Variants in ZNF548 observed in about 807,000 individuals in gnomAD.
ZNF548 encodes zinc finger protein 548.
In ZNF548, 10 loss-of-function variants were observed where a neutral mutation model predicts 10.2. The observed-to-expected ratio is 0.98, with a 90% confidence interval of 0.60 to 1.66. The LOEUF (loss-of-function observed/expected upper bound fraction) is 1.66, where lower values mean the gene tolerates loss of function less well. Among genes scored for constraint, ZNF548 ranks in the 40% most tolerant of loss-of-function variants. The pLI, the probability that ZNF548 is intolerant of heterozygous loss-of-function variation, is 0.00. For synonymous variants in ZNF548, 217 were observed against 223.5 expected (o/e 0.97, Z 0.26); for missense variants, 599 against 657.0 (o/e 0.91, Z 0.97).
chr19:57,393,847 A>T (rs527604196), intron 1 of ZNF548, among the ~76,000 whole-genome samples: 1 of 152,176 alleles, frequency 6.6e-6, no homozygotes, highest in African/African-American at 2.4e-5. Flanking sequence ...GAAAATTTCA[A>T]AACCCCACTC....
Position 57,399,991 on chromosome 19 carries a change from TAAC to T in ZNF548, c.*109_*111del, listed in dbSNP as rs1202710737. Reference sequence around the variant, plus strand: ...CCAAGAAGTAAAATGCTGTACCCATTAACAACAACTCATTCCCCTTCCCTACTT... The same window carrying T: ...CCAAGAAGTAAAATGCTGTACCCATTAACAACTCATTCCCCTTCCCTACTT... On this transcript the variant is annotated 3_prime_UTR_variant, in exon 4 of 4. Coordinates refer to ENST00000336128, the MANE Select transcript of ZNF548 (RefSeq NM_001172773.2). The surrounding 1 kb of genome is among the most constrained non-coding windows in gnomAD (Gnocchi z 4.0). 2 of 895,022 alleles carry T rather than the reference TAAC, an allele frequency of 2.2e-6. No homozygotes were observed. Among genetic ancestry groups the T allele is most frequent in the Non-Finnish European group, 3.3e-6 (2 of 606,912 alleles). 55.4% of individuals were successfully genotyped at this position (895,022 alleles called of 1,614,324 possible).
At chr19:57,392,694 T>C in intron 1 of ZNF548, 2 of 761,322 alleles carry the variant, frequency 2.6e-6, no homozygotes, top group Non-Finnish European at 3.2e-6. Flanking sequence ...ACACCTTATG[T>C]GTCTATTTCT....
Position 57,395,374 on chromosome 19 carries a change from G to A in ZNF548, c.51+1151G>A, listed in dbSNP as rs935648304. Among the ~76,000 whole-genome samples, 5 of 152,088 alleles carry A rather than the reference G, an allele frequency of 3.3e-5. No homozygotes were observed. The highest frequency in any genetic ancestry group is 2.0e-4 in the Admixed American group (3 of 15,268). On this transcript the variant is annotated intron_variant, in intron 2 of 3. Transcript: ENST00000336128. The surrounding 1 kb of genome is among the most constrained non-coding windows in gnomAD (Gnocchi z 4.8). ...CAGTTGGGAGGAGGTGAGGATGGGA[G>A]TTGTATTAATCCGTTTCCATACTGC...
Position 57,399,892 on chromosome 19 carries a change from A to G in ZNF548, c.*3A>G, listed in dbSNP as rs372739751. 26 of 1,574,666 alleles carry G rather than the reference A, an allele frequency of 1.7e-5. No homozygotes were observed. The highest frequency in any genetic ancestry group is 1.6e-4 in the South Asian group (14 of 87,528). ...CAATGGAGAAAGTTTACCATTGACT[A>G]TTGTAATTGGGTAGTAATGTTATAT... On this transcript the variant is annotated 3_prime_UTR_variant, in exon 4 of 4. Transcript: ENST00000336128. The surrounding 1 kb of genome is among the most constrained non-coding windows in gnomAD (Gnocchi z 4.0).
At position 57,392,495 on chromosome 19, in the gene ZNF548, T is replaced by C. The variant is rs2088633984; in HGVS notation, c.16-1693T>C. The stretch of plus-strand genomic sequence containing the variant: ...GAGAAATTGGTCCAGATTCATTCTT[T>C]TTCATATGGCAATCCAGTTTTCCCA... On this transcript the variant is annotated intron_variant, in intron 1 of 3. Transcript: ENST00000336128. Among the ~76,000 whole-genome samples the C allele has an allele frequency of 3.3e-5, 5 of 152,238 alleles. No homozygotes were observed. In the South Asian group the frequency reaches 1.0e-3, roughly 32 times the overall value.
At chr19:57,393,936 T>C (rs2088646740) in intron 1 of ZNF548, 8 of 585,600 alleles carry the variant, frequency 1.4e-5, no homozygotes, top group Non-Finnish European at 6.0e-6. Flanking sequence ...ATGCTACTGA[T>C]GTTTGATACT....
intron 2 of ZNF548, among the ~76,000 whole-genome samples, chr19:57,394,632 A>T (rs2088652546): frequency 6.6e-6 from 1 of 152,156 alleles, no homozygotes; most frequent in Admixed American, 6.5e-5. Flanking sequence ...GAAGATTTGA[A>T]GCAAAATAGG....
intron 3 of ZNF548, among the ~76,000 whole-genome samples, chr19:57,398,168 CAG>C (rs996705661): frequency 6.6e-6 from 1 of 152,202 alleles, no homozygotes; most frequent in Non-Finnish European, 1.5e-5. Context: ...TGGCTGTTTT[CAG>C]AGGAGTGAGT....
Position 57,399,306 on chromosome 19 carries a change from A to G in ZNF548, c.1055A>G (p.Asn352Ser), listed in dbSNP as rs201989885. 61 of 1,613,568 alleles carry G rather than the reference A, an allele frequency of 3.8e-5. No individual in the cohort carries two copies. The African/African-American group carries it at 6.5e-4, about 17-fold the overall frequency. ...VHTGERPYKC[N>S]DCGKFFRYIS... The stretch of plus-strand genomic sequence containing the variant: ...ACCGGAGAAAGACCTTATAAGTGCA[A>G]TGATTGTGGGAAATTTTTTAGGTAT... The change falls in exon 4 of 4, where the codon AAT (asparagine) becomes AGT (serine). Residue 352 changes from asparagine (N) to serine (S), a missense_variant. Physicochemically the swap from Asn to Ser is conservative, Grantham distance 46. Transcript: ENST00000336128. This position sits in a 1 kb window ranked among gnomAD's most constrained non-coding sequence, Gnocchi z 4.0.
In ZNF548 at chr19:57,399,159, G is replaced by A. The variant is rs202091268; in HGVS notation, c.908G>A (p.Arg303Gln). The change falls in exon 4 of 4, where the codon CGG (arginine) becomes CAG (glutamine). Residue 303 changes from arginine to glutamine, a missense_variant. Coordinates refer to ENST00000336128, the MANE Select transcript of ZNF548 (RefSeq NM_001172773.2). The surrounding 1 kb of genome is among the most constrained non-coding windows in gnomAD (Gnocchi z 4.0). ...YECNTCGKFFRYSSTFVRHQR... is the reference protein window; with the variant it reads ...YECNTCGKFFQYSSTFVRHQR... ...TGCAACACATGTGGGAAATTCTTTC[G>A]GTACAGCTCCACATTTGTTAGACAT... is the stretch of plus-strand genomic sequence containing the variant. 36 of 1,613,986 alleles carry A rather than the reference G, an allele frequency of 2.2e-5. No individual in the cohort carries two copies. The highest frequency in any genetic ancestry group is 4.5e-5 in the East Asian group (2 of 44,872).
chr19:57,392,957 A>G, intron 1 of ZNF548: 9 of 985,704 alleles, frequency 9.1e-6, no homozygotes, highest in Non-Finnish European at 1.1e-5. Flanking sequence ...GGGTAAGCAT[A>G]TGGCCTGGGA....
rs1013561131 is a variant in ZNF548, at chr19:57,401,226, C to CTG, written c.*1340_*1341dup. The stretch of plus-strand genomic sequence containing the variant: ...TTGATGTACTGTTGACTCTTTCTGT[C>CTG]TGTGGGTTCTGTATTCATGGATCGA... On this transcript the variant is annotated 3_prime_UTR_variant, in exon 4 of 4. Transcript: ENST00000336128. 3.9e-5 allele frequency: 6 copies of CTG among 152,216 alleles called. No individual in the cohort carries two copies. Among genetic ancestry groups the CTG allele is most frequent in the African/African-American group, 1.2e-4 (5 of 41,524 alleles). The allele number at this position is 152,216 out of a possible 1,614,324, so 9.4% of individuals were successfully genotyped here.
Position 57,389,960 on chromosome 19 carries a change from A to C in ZNF548, c.-140A>C. ...CGTCACCGAAGTGACGGAACGGAAA[A>C]GCGCGAGAAGCGGCTCGGTTCCCAC... On this transcript the variant is annotated 5_prime_UTR_variant, in exon 1 of 4. Transcript: ENST00000336128. The C allele has an allele frequency of 9.0e-7, 1 of 1,105,258 alleles. No individual in the cohort carries two copies. 68.5% of individuals were successfully genotyped at this position (1,105,258 alleles called of 1,614,324 possible). A position where few individuals can be genotyped will look rare whatever the true frequency, so the allele number is the denominator to read the frequency against.
At position 57,395,265 on chromosome 19, in the gene ZNF548, G is replaced by T. The variant is rs1227514913; in HGVS notation, c.51+1042G>T. 6.6e-6 allele frequency among the ~76,000 whole-genome samples: 1 copy of T among 152,076 alleles called. No homozygotes were observed. Among genetic ancestry groups the T allele is most frequent in the East Asian group, 1.9e-4 (1 of 5,188 alleles). On this transcript the variant is annotated intron_variant, in intron 2 of 3. Transcript: ENST00000336128. This position sits in a 1 kb window ranked among gnomAD's most constrained non-coding sequence, Gnocchi z 4.8. ...GTATGTGAGATGGTGGGGTATAGGA[G>T]TGAGAAAGACTTCTGAAGGAGAGTG...
Position 57,402,700 on chromosome 19 carries a change from C to A in ZNF548, c.*2811C>A, listed in dbSNP as rs1467419591. On this transcript the variant is annotated 3_prime_UTR_variant, in exon 4 of 4. Coordinates refer to ENST00000336128, the MANE Select transcript of ZNF548 (RefSeq NM_001172773.2). ...AAAGTAGAAGTGAAGGCAATGTCAT[C>A]TTTCCTTGTTAACATGATAACTCAG... is the stretch of plus-strand genomic sequence containing the variant. 1.3e-5 allele frequency: 2 copies of A among 152,200 alleles called. No homozygotes were observed. The highest frequency in any genetic ancestry group is 2.9e-5 in the Non-Finnish European group (2 of 68,040). 9.4% of individuals were successfully genotyped at this position (152,200 alleles called of 1,614,324 possible).
At chr19:57,393,448 G>A (rs553504364) in intron 1 of ZNF548, among the ~76,000 whole-genome samples, 1 of 151,404 alleles carries the variant, frequency 6.6e-6, no homozygotes, top group Admixed American at 6.6e-5. Flanking sequence ...ATCACCTGTG[G>A]TCGGGAGTTC....
intron 3 of ZNF548, chr19:57,397,385 GA>G: frequency 1.4e-6 from 1 of 697,598 alleles, no homozygotes. Flanking sequence ...AGGCTTACAA[GA>G]AAGGGCTCAA....
At chr19:57,398,273 G>C in intron 3 of ZNF548, 157 bp from the exon 4 acceptor site, 1 of 1,436,184 alleles carries the variant, frequency 7.0e-7, no homozygotes, top group South Asian at 1.4e-5. Context: ...GCCAGGCCCA[G>C]CCCTGCATAG....
intron 1 of ZNF548, 27 bp downstream of exon 1, chr19:57,390,141 G>A (rs1439792455): frequency 6.2e-7 from 1 of 1,605,288 alleles, no homozygotes; most frequent in Non-Finnish European, 8.5e-7. Context: ...AGGCTCCCCC[G>A]CCCGACCGGT....
Sources: gnomAD v4.1 joint callset for allele counts (sites outside exome capture counted in the v4.1 genomes callset) on GRCh38, gnomAD v4.1.1 for gene constraint, Gnocchi (gnomAD v3.1) non-coding constraint, MANE v1.5 for transcripts, NCBI Gene and HGNC (gene_info 2026-07-23, HGNC 2026-07-21) for gene names.